The following PARP4 variants were observed in gnomAD, a reference collection of about 807,000 sequenced individuals.
PARP4 encodes the protein poly(ADP-ribose) polymerase family member 4, also known as protein mono-ADP-ribosyltransferase PARP4.
Under a neutral mutation model 187.7 loss-of-function variants are expected in PARP4, and 120 were observed. The ratio of observed to expected loss-of-function variants is 0.64; its 90% confidence interval spans 0.55 to 0.74. The LOEUF (loss-of-function observed/expected upper bound fraction) is 0.74. PARP4 is among the 30% of genes least tolerant of loss of function. The probability of loss-of-function intolerance (pLI) is 0.00; values close to 1 mark genes in which losing one functional copy is unlikely to be tolerated. For missense variants in PARP4, 1,836 were observed against 2,070.5 expected, an observed-to-expected ratio of 0.89 and a Z score of 2.20; for synonymous variants, 654 against 740.9, an observed-to-expected ratio of 0.88 and a Z score of 1.90.
chr13:24,469,868 G>A lies in PARP4; in HGVS notation c.2046+26C>T, dbSNP rs769154435. 36 of 1,601,878 alleles carry A rather than the reference G, an allele frequency of 2.2e-5. 1 individual carries two copies. Among genetic ancestry groups the A allele is most frequent in the South Asian group, 1.8e-4 (16 of 90,170 alleles). Reference sequence around the variant, plus strand: ...GAAGCTGACTTTGAAAGCCGAGAGCGGGCACGATGCATCTTCTTGCCTTAC... The same window carrying A: ...GAAGCTGACTTTGAAAGCCGAGAGCAGGCACGATGCATCTTCTTGCCTTAC... On this transcript the variant is annotated intron_variant, in intron 16 of 33. Coordinates refer to ENST00000381989, the MANE Select transcript of PARP4 (RefSeq NM_006437.4).
chr13:24,506,277 G>A (rs756468549), intron 1 of PARP4, among the ~76,000 whole-genome samples: 13 of 152,120 alleles, frequency 8.5e-5, no homozygotes, highest in African/African-American at 2.7e-4. Flanking sequence ...TCGTGGTGTC[G>A]CTGGCTTCAG....
rs111356412 is a variant in PARP4 at position 24,487,328 on chromosome 13, G to A, written c.1215-1023C>T. Among the ~76,000 whole-genome samples the A allele has an allele frequency of 8.4e-3, 1,277 of 152,178 alleles. 20 individuals carry two copies. Among genetic ancestry groups the A allele is most frequent in the African/African-American group, 0.029 (1,201 of 41,498 alleles). ...GAAACCAAGCAGGTTTGGAGAGAGG[G>A]TTGTCAAGAAAGTACTCTCTTGGGA... On this transcript the variant is annotated intron_variant, in intron 10 of 33. Transcript: ENST00000381989.
intron 31 of PARP4, among the ~76,000 whole-genome samples, chr13:24,431,999 T>A (rs1476172832): frequency 6.6e-6 from 1 of 152,240 alleles, no homozygotes; most frequent in African/African-American, 2.4e-5. Flanking sequence ...AGTGCTGGGA[T>A]TACAGGCGTG....
chr13:24,499,215 A>G (rs1423771712), intron 5 of PARP4, 86 bp downstream of exon 5: 2 of 1,399,222 alleles, frequency 1.4e-6, no homozygotes, highest in African/African-American at 3.0e-5. Context: ...AACAATGAGA[A>G]AATGACCGAA....
intron 21 of PARP4, 72 bp downstream of exon 21, chr13:24,456,269 G>T: frequency 8.3e-7 from 1 of 1,202,188 alleles, no homozygotes; most frequent in Non-Finnish European, 1.2e-6. Context: ...TCAATAATTT[G>T]CAAGTTTAAC....
intron 30 of PARP4, among the ~76,000 whole-genome samples, chr13:24,436,124 A>G (rs1870627655): frequency 1.3e-5 from 2 of 152,156 alleles, no homozygotes; most frequent in Non-Finnish European, 2.9e-5. Context: ...ACATGAGGGA[A>G]CTGAGGAGCA....
intron 31 of PARP4, 71 bp downstream of exon 31, chr13:24,434,324 T>A: frequency 7.0e-7 from 1 of 1,428,968 alleles, no homozygotes; most frequent in Middle Eastern, 2.6e-4. Flanking sequence ...CTTGACCAGC[T>A]GCTTTGAGGA....
At chr13:24,455,495 A>ACG (rs1254813255) in intron 21 of PARP4, among the ~76,000 whole-genome samples, 8 of 139,344 alleles carry the variant, frequency 5.7e-5, no homozygotes, top group African/African-American at 1.8e-4. Context: ...ATATATATAT[A>ACG]TATATATATA....
intron 27 of PARP4, among the ~76,000 whole-genome samples, chr13:24,445,613 C>T (rs1295496416): frequency 6.6e-6 from 1 of 152,218 alleles, no homozygotes; most frequent in Non-Finnish European, 1.5e-5. Context: ...TATTCTGGGC[C>T]TTACCCTGTA....
chr13:24,439,941 C>T (rs1300033752), intron 30 of PARP4, among the ~76,000 whole-genome samples: 1 of 152,214 alleles, frequency 6.6e-6, no homozygotes. Flanking sequence ...CACGATGTTG[C>T]CAACATCTGC....
chr13:24,487,648 G>A lies in PARP4; in HGVS notation c.1215-1343C>T, dbSNP rs1401695856. ...CAGTTGTTGGGGGAGACGGGGGTACGGCTGAGGGCAGCTGTGGTGGGAGGA... is the reference window on the plus strand; with the variant it reads ...CAGTTGTTGGGGGAGACGGGGGTACAGCTGAGGGCAGCTGTGGTGGGAGGA... On this transcript the variant is annotated intron_variant, in intron 10 of 33. Transcript: ENST00000381989. 2.6e-5 allele frequency among the ~76,000 whole-genome samples: 4 copies of A among 152,102 alleles called. No individual in the cohort carries two copies. The East Asian group carries it at 5.8e-4, about 22-fold the overall frequency.
In PARP4 at chr13:24,441,935, T is replaced by C; in HGVS notation, c.3577A>G (p.Lys1193Glu). 1.2e-6 allele frequency: 2 copies of C among 1,610,270 alleles called. No homozygotes were observed. Among genetic ancestry groups the C allele is most frequent in the African/African-American group, 1.3e-5 (1 of 74,662 alleles). Residue 1193 changes from lysine (K) to glutamate (E), a missense_variant, in exon 30 of 34, where the codon AAA becomes GAA. Lys to Glu is a moderately conservative substitution (Grantham distance 56, BLOSUM62 1). This residue lies in a region of PARP4 where 47 missense variants were observed against 99.5 expected (regional missense o/e 0.47). Coordinates refer to ENST00000381989, the MANE Select transcript of PARP4 (RefSeq NM_006437.4). The stretch of plus-strand genomic sequence containing the variant: ...TCTTTGGCAATAAGTTCAGAAACTT[T>C]TGGAATATCAGGAAAAGGCGACTCA... ...ENESPFPDIP[K>E]VSELIAKEDV...
At chr13:24,443,212 G>A (rs1248627393) in intron 28 of PARP4, among the ~76,000 whole-genome samples, 29 of 142,278 alleles carry the variant, frequency 2.0e-4, no homozygotes, top group African/African-American at 7.9e-4. Context: ...GCCTGGCTGA[G>A]GAGCCCCTCT....
chr13:24,423,533 A>AAAAATAAAC (rs138940651), intron 33 of PARP4, among the ~76,000 whole-genome samples: 2 of 150,734 alleles, frequency 1.3e-5, no homozygotes, highest in African/African-American at 4.9e-5. Flanking sequence ...CTGGCCTCAA[A>AAAAATAAAC]AAATAAATAA....
chr13:24,457,623 T>G (rs1212561400), intron 20 of PARP4, among the ~76,000 whole-genome samples: 1 of 151,878 alleles, frequency 6.6e-6, no homozygotes, highest in African/African-American at 2.4e-5. Context: ...ATAGAAAATT[T>G]AGCTGGGCGT....
chr13:24,483,743 C>T (rs867674483), intron 12 of PARP4, among the ~76,000 whole-genome samples: 31 of 152,208 alleles, frequency 2.0e-4, no homozygotes, highest in African/African-American at 7.2e-4. Context: ...TCTCCTGCCT[C>T]ACCCTCTTGA....
intron 14 of PARP4, among the ~76,000 whole-genome samples, chr13:24,476,841 T>C (rs1873011118): frequency 6.6e-6 from 1 of 152,212 alleles, no homozygotes; most frequent in Non-Finnish European, 1.5e-5. Flanking sequence ...GCACCACACA[T>C]GGCAATTTAC....
rs2087127298 is a variant in PARP4, at chr13:24,492,343, C to T, written c.1053+78G>A. The T allele has an allele frequency of 7.2e-6, 7 of 972,342 alleles. No individual in the cohort carries two copies. In the South Asian group the frequency reaches 1.2e-4, roughly 17 times the overall value. The allele number at this position is 972,342 out of a possible 1,614,324, so 60.2% of individuals were successfully genotyped here. On this transcript the variant is annotated intron_variant, in intron 9 of 33. Coordinates refer to ENST00000381989, the MANE Select transcript of PARP4 (RefSeq NM_006437.4). ...AGACAATTTCATGATTCAGTGTTAC[C>T]TCATTCATCAGATTTCTAAAGACCC...
chr13:24,480,008 C>T (rs1453729566), intron 12 of PARP4, among the ~76,000 whole-genome samples: 2 of 151,962 alleles, frequency 1.3e-5, no homozygotes, highest in Admixed American at 1.3e-4. Context: ...TCTGCAGCTT[C>T]ACTCCTGAGC....
Sources: allele counts gnomAD v4.1 joint callset (sites outside exome capture counted in the v4.1 genomes callset), GRCh38; gene constraint gnomAD v4.1.1; regional missense constraint gnomAD v4.1.1; transcripts MANE v1.5; gene names NCBI Gene and HGNC (gene_info 2026-07-23, HGNC 2026-07-21).